RNF123: variants seen among roughly 807,000 people sequenced by gnomAD.
RNF123 encodes ring finger protein 123.
RNF123 carries 86 observed loss-of-function variants against 168.5 expected under a neutral mutation model. The ratio of observed to expected loss-of-function variants is 0.51; its 90% confidence interval spans 0.43 to 0.61. The LOEUF is 0.61. Ranked by LOEUF, RNF123 falls within the 20% of genes least tolerant of loss-of-function variation. RNF123 has a pLI of 0.00. For synonymous variants in RNF123, 666 were observed against 689.1 expected (o/e 0.97, Z 0.52); for missense variants, 1,419 against 1,729.7 (o/e 0.82, Z 3.19).
At chr3:49,696,668 G>C (rs2054275415) in intron 3 of RNF123, among the ~76,000 whole-genome samples, 1 of 113,180 alleles carries the variant, frequency 8.8e-6, no homozygotes, top group Non-Finnish European at 1.7e-5. Context: ...TTTTGAGACA[G>C]AGTCTTACTC....
rs1371247289 is a variant in RNF123 at position 49,721,504 on chromosome 3, T to C, written c.*199T>C. ...GCTTGACTTTCAGTCAGGGCCACAG[T>C]GAGCATTAAATTATTATTCCATACA... On this transcript the variant is annotated 3_prime_UTR_variant, in exon 39 of 39. Coordinates refer to ENST00000327697, the MANE Select transcript of RNF123 (RefSeq NM_022064.5). 1.2e-6 allele frequency: 1 copy of C among 852,622 alleles called. No individual in the cohort carries two copies. Among genetic ancestry groups the C allele is most frequent in the Non-Finnish European group, 2.0e-6 (1 of 508,542 alleles). 52.8% of individuals were successfully genotyped at this position (852,622 alleles called of 1,614,324 possible).
intron 3 of RNF123, 150 bp from the exon 4 acceptor site, chr3:49,696,993 C>A: frequency 1.4e-6 from 1 of 715,088 alleles, no homozygotes; most frequent in Non-Finnish European, 2.5e-6. Flanking sequence ...GCCTTCTGAC[C>A]TCCTGCATGC....
rs778471179 is a variant in RNF123, at chr3:49,720,931, G to A, written c.3738+37G>A. On this transcript the variant is annotated intron_variant, in intron 37 of 38. Transcript: ENST00000327697. Reference sequence around the variant, plus strand: ...CACGGTGCACAGGTCCATGCCACTTGAATATGTGTGCACTCCTACACAGGC... The same window carrying A: ...CACGGTGCACAGGTCCATGCCACTTAAATATGTGTGCACTCCTACACAGGC... 3 of 1,612,008 alleles carry A rather than the reference G, an allele frequency of 1.9e-6. No homozygotes were observed. In the East Asian group the frequency reaches 6.7e-5, roughly 36 times the overall value.
At chr3:49,702,817 A>C in intron 20 of RNF123, 64 bp downstream of exon 20, 2 of 1,605,578 alleles carry the variant, frequency 1.2e-6, no homozygotes, top group Admixed American at 1.7e-5. Context: ...GCAGCCCCTA[A>C]TGTTAGTGCA....
intron 35 of RNF123, 52 bp from the exon 36 acceptor site, chr3:49,720,459 T>A (rs2080377437): frequency 6.7e-7 from 1 of 1,501,610 alleles, no homozygotes; most frequent in East Asian, 2.3e-5. Context: ...CAAGAGAGAC[T>A]TTTAGCCAGG....
intron 31 of RNF123, among the ~76,000 whole-genome samples, chr3:49,715,010 T>C (rs1030320508): frequency 2.6e-5 from 4 of 152,226 alleles, no homozygotes; most frequent in African/African-American, 9.7e-5. Context: ...CTGCGGGAAC[T>C]ATTGATTTGT....
chr3:49,719,661 C>T, intron 35 of RNF123: 2 of 574,560 alleles, frequency 3.5e-6, no homozygotes, highest in Non-Finnish European at 6.3e-6. Flanking sequence ...TAGCCGCGCT[C>T]CCTTCGGCTT....
At chr3:49,719,422 C>T (rs753401818) in intron 35 of RNF123, 2 of 1,613,464 alleles carry the variant, frequency 1.2e-6, no homozygotes, top group Non-Finnish European at 1.7e-6. Flanking sequence ...TAACCCAACG[C>T]GCAGCATGCA....
Position 49,714,013 on chromosome 3 carries a change from G to A in RNF123, c.2925+16G>A, listed in dbSNP as rs1453331498. ...GCTCTGGAGGGTAAGCCTGACTCGA[G>A]GGGAAGTGGCTGAGGCTGGCTGGAG... On this transcript the variant is annotated intron_variant, in intron 30 of 38. Transcript: ENST00000327697. The A allele has an allele frequency of 1.9e-6, 3 of 1,613,900 alleles. No homozygotes were observed. Among genetic ancestry groups the A allele is most frequent in the Admixed American group, 3.3e-5 (2 of 60,016 alleles).
intron 35 of RNF123, chr3:49,718,035 A>T (rs1309566137): frequency 2.5e-6 from 4 of 1,613,536 alleles, no homozygotes; most frequent in African/African-American, 1.3e-5. Flanking sequence ...GGTTGTAGAG[A>T]TCGAATTCCT....
intron 34 of RNF123, 36 bp from the exon 35 acceptor site, chr3:49,716,357 G>T: frequency 6.2e-7 from 1 of 1,602,934 alleles, no homozygotes; most frequent in Non-Finnish European, 8.5e-7. Context: ...GCAGGAGCAT[G>T]TGGGTGGCTC....
chr3:49,705,235 C>CA, intron 23 of RNF123, 53 bp downstream of exon 23: 1 of 1,549,016 alleles, frequency 6.5e-7, no homozygotes, highest in Non-Finnish European at 8.7e-7. Flanking sequence ...CCACAGTGTA[C>CA]AGTCCCCGAT....
intron 35 of RNF123, 170 bp from the exon 36 acceptor site, chr3:49,720,341 T>C (rs1387082721): frequency 2.0e-6 from 1 of 509,154 alleles, no homozygotes; most frequent in African/African-American, 2.0e-5. Flanking sequence ...AAACAGGCTG[T>C]GTGGCACCTT....
chr3:49,720,449 CAA>C (rs1299716851), intron 35 of RNF123, 60 bp from the exon 36 acceptor site: 2 of 1,488,778 alleles, frequency 1.3e-6, no homozygotes, highest in Non-Finnish European at 1.8e-6. Flanking sequence ...TTGGCAATCC[CAA>C]GAGAGACTTT....
At chr3:49,711,435 G>A (rs556359715) in intron 26 of RNF123, among the ~76,000 whole-genome samples, 7 of 152,228 alleles carry the variant, frequency 4.6e-5, no homozygotes, top group African/African-American at 9.6e-5. Flanking sequence ...CAATCCGGCC[G>A]GCACATTTCC....
At position 49,720,678 on chromosome 3, in the gene RNF123, A is replaced by G. The variant is rs7634945; in HGVS notation, c.3643+25A>G. 2.7e-3 allele frequency: 4,303 copies of G among 1,595,720 alleles called. 72 individuals carry two copies. The African/African-American group carries it at 0.039, about 15-fold the overall frequency. ...TGTGAGTGGGCTGGTGGGGCAGGTC[A>G]GGGAAATCTGGGGCTGGGTCGGGTC... On this transcript the variant is annotated intron_variant, in intron 36 of 38. Coordinates refer to ENST00000327697, the MANE Select transcript of RNF123 (RefSeq NM_022064.5).
At chr3:49,714,939 C>T (rs11130218) in intron 31 of RNF123, among the ~76,000 whole-genome samples, 77,970 of 152,188 alleles carry the variant, frequency 0.51, 21,137 homozygotes, top group East Asian at 0.82. Context: ...CGTGGTCCTG[C>T]GTCCAGGGCG....
At chr3:49,707,540 C>G (rs927700658) in intron 26 of RNF123, among the ~76,000 whole-genome samples, 2 of 152,166 alleles carry the variant, frequency 1.3e-5, no homozygotes, top group Non-Finnish European at 1.5e-5. Flanking sequence ...GACTTGTTTC[C>G]TCTCCCTGCC....
chr3:49,693,205 T>A (rs747236079), intron 3 of RNF123, among the ~76,000 whole-genome samples: 32 of 151,056 alleles, frequency 2.1e-4, no homozygotes, highest in Non-Finnish European at 3.4e-4. Flanking sequence ...CCCGCCACCA[T>A]GCCCAGCTAA....
Sources: gnomAD v4.1 joint callset for allele counts (sites outside exome capture counted in the v4.1 genomes callset) on GRCh38, gnomAD v4.1.1 for gene constraint, MANE v1.5 for transcripts, NCBI Gene and HGNC (gene_info 2026-07-23, HGNC 2026-07-21) for gene names.